Variants in NRXN1 observed in about 807,000 individuals in gnomAD.
The protein encoded by NRXN1 is neurexin-1.
In NRXN1, 39 loss-of-function variants were observed where a neutral mutation model predicts 150.9. The ratio of observed to expected loss-of-function variants is 0.26; its 90% confidence interval spans 0.20 to 0.34. The LOEUF is 0.34. Ranked by LOEUF, NRXN1 falls within the 10% of genes least tolerant of loss-of-function variation. The pLI is 1.00. For synonymous variants in NRXN1, 924 were observed against 757.0 expected, an observed-to-expected ratio of 1.22 and a Z score of -3.62; for missense variants, 1,815 against 1,949.9, an observed-to-expected ratio of 0.93 and a Z score of 1.30.
chr2:50,733,745 A>C (rs992972432), intron 5 of NRXN1, among the ~76,000 whole-genome samples: 3 of 152,196 alleles, frequency 2.0e-5, no homozygotes, highest in African/African-American at 7.2e-5. Context: ...TCGACCATTG[A>C]AAATGAGGTT....
At chr2:50,582,072 C>T (rs1305174019) in intron 8 of NRXN1, among the ~76,000 whole-genome samples, 1 of 152,080 alleles carries the variant, frequency 6.6e-6, no homozygotes, top group African/African-American at 2.4e-5. Context: ...CCCCTGTTCG[C>T]ACCAATTTAG....
intron 18 of NRXN1, among the ~76,000 whole-genome samples, chr2:50,137,020 A>T (rs1319222121): frequency 1.3e-5 from 2 of 152,204 alleles, no homozygotes; most frequent in African/African-American, 4.8e-5. Flanking sequence ...ATCTATAGAC[A>T]GTACTTACAA....
chr2:49,973,858 T>C, intron 21 of NRXN1: 1 of 605,790 alleles, frequency 1.7e-6, no homozygotes, highest in South Asian at 2.1e-5. Context: ...TTTATCCAAA[T>C]GAGTTTATTC....
chr2:50,526,753 G>A (rs1355905800), intron 12 of NRXN1: 1 of 152,186 alleles, frequency 6.6e-6, no homozygotes, highest in Non-Finnish European at 1.5e-5. Context: ...GTTAAGGAAT[G>A]TGCAGTCCTG....
chr2:50,979,754 A>C (rs1696491680), intron 2 of NRXN1, among the ~76,000 whole-genome samples: 1 of 152,136 alleles, frequency 6.6e-6, no homozygotes, highest in Admixed American at 6.6e-5. Flanking sequence ...GTATGCCATC[A>C]GAGGCTACTC....
chr2:50,769,550 C>T (rs1366759871), intron 5 of NRXN1, among the ~76,000 whole-genome samples: 1 of 151,960 alleles, frequency 6.6e-6, no homozygotes, highest in Non-Finnish European at 1.5e-5. Flanking sequence ...CCCAAGGTTT[C>T]TCACCCCTCT....
intron 17 of NRXN1, among the ~76,000 whole-genome samples, chr2:50,266,109 C>T (rs561923940): frequency 3.5e-4 from 53 of 150,258 alleles, no homozygotes; most frequent in African/African-American, 1.2e-3. Context: ...ACCGACTCCC[C>T]TGCCTCAGCC....
At chr2:50,339,404 C>T (rs984864196) in intron 17 of NRXN1, among the ~76,000 whole-genome samples, 1 of 152,084 alleles carries the variant, frequency 6.6e-6, no homozygotes, top group African/African-American at 2.4e-5. Flanking sequence ...CCAAAGGGTT[C>T]TATATTCTGA....
At chr2:50,396,098 C>T (rs1479799746) in intron 17 of NRXN1, among the ~76,000 whole-genome samples, 2 of 152,082 alleles carry the variant, frequency 1.3e-5, no homozygotes, top group Non-Finnish European at 2.9e-5. Flanking sequence ...AATTCTAATT[C>T]AATATCCTAA....
chr2:50,991,474 C>T (rs1270445182), intron 2 of NRXN1, among the ~76,000 whole-genome samples: 1 of 152,002 alleles, frequency 6.6e-6, no homozygotes, highest in African/African-American at 2.4e-5. Flanking sequence ...TCCTGATAAT[C>T]TACTCAACTA....
At chr2:50,974,021 TG>T (rs1333572520) in intron 2 of NRXN1, among the ~76,000 whole-genome samples, 5 of 152,036 alleles carry the variant, frequency 3.3e-5, no homozygotes, top group Non-Finnish European at 5.9e-5. Context: ...CTAAAAATCA[TG>T]AAATTATTTG....
intron 17 of NRXN1, among the ~76,000 whole-genome samples, chr2:50,441,298 T>G (rs1015696785): frequency 6.6e-6 from 1 of 152,170 alleles, no homozygotes; most frequent in African/African-American, 2.4e-5. Flanking sequence ...GATTATTAGT[T>G]CTTTTTTACT....
chr2:50,576,821 T>G (rs927043689), intron 8 of NRXN1, among the ~76,000 whole-genome samples: 2 of 152,124 alleles, frequency 1.3e-5, no homozygotes, highest in Admixed American at 6.6e-5. Context: ...TTTAACTTTC[T>G]CATTCTCATC....
intron 15 of NRXN1, among the ~76,000 whole-genome samples, chr2:50,486,563 C>G (rs1194791707): frequency 6.6e-6 from 1 of 152,088 alleles, no homozygotes; most frequent in Admixed American, 6.5e-5. Context: ...AGTACAGGCC[C>G]TTATAGTGTT....
intron 5 of NRXN1, among the ~76,000 whole-genome samples, chr2:50,825,965 G>A (rs888519856): frequency 1.3e-5 from 2 of 152,206 alleles, no homozygotes; most frequent in African/African-American, 2.4e-5. Context: ...TGTTGGCTCT[G>A]CAAGAGTAGG....
intron 5 of NRXN1, among the ~76,000 whole-genome samples, chr2:50,907,375 T>C (rs560741691): frequency 5.9e-5 from 9 of 152,188 alleles, no homozygotes; most frequent in African/African-American, 1.2e-4. Context: ...CTGTGTTACA[T>C]GAAACTTTGA....
intron 9 of NRXN1, among the ~76,000 whole-genome samples, chr2:50,544,274 TA>T (rs1337837861): frequency 3.3e-5 from 5 of 151,774 alleles, no homozygotes; most frequent in African/African-American, 9.7e-5. Flanking sequence ...GGGTATAATG[TA>T]AAATGTAAAA....
chr2:50,864,631 A>G (rs1307677765), intron 5 of NRXN1, among the ~76,000 whole-genome samples: 1 of 152,044 alleles, frequency 6.6e-6, no homozygotes, highest in Non-Finnish European at 1.5e-5. Flanking sequence ...GCCATATCAC[A>G]AAAAATATTC....
intron 17 of NRXN1, among the ~76,000 whole-genome samples, chr2:50,259,499 A>G (rs1268583069): frequency 1.3e-5 from 2 of 151,884 alleles, no homozygotes; most frequent in African/African-American, 4.8e-5. Context: ...TGAAGTGTAC[A>G]TGGAAGACTT....
Sources: allele counts gnomAD v4.1 joint callset (sites outside exome capture counted in the v4.1 genomes callset), GRCh38; gene constraint gnomAD v4.1.1; transcripts MANE v1.5; gene names NCBI Gene and HGNC (gene_info 2026-07-23, HGNC 2026-07-21).